The following EPHA3 variants were observed in gnomAD, a reference collection of about 807,000 sequenced individuals.
The protein encoded by EPHA3 is ephrin type-A receptor 3.
Under a neutral mutation model 107.1 loss-of-function variants are expected in EPHA3, and 42 were observed. The observed-to-expected ratio is 0.39, with a 90% CI of 0.31 to 0.51. The LOEUF is 0.51. Ranked by LOEUF, EPHA3 falls within the 20% of genes least tolerant of loss-of-function variation. EPHA3 has a pLI of 0.78. For synonymous variants in EPHA3, 461 were observed against 424.8 expected (o/e 1.09, Z -1.05); for missense variants, 1,183 against 1,211.2 (o/e 0.98, Z 0.35).
At chr3:89,228,336 A>G (rs747911515) in intron 3 of EPHA3, among the ~76,000 whole-genome samples, 3 of 151,936 alleles carry the variant, frequency 2.0e-5, no homozygotes, top group Admixed American at 1.3e-4. Context: ...GGACAAAATA[A>G]CAATGAGAAA....
chr3:89,121,535 G>A (rs904926329), intron 1 of EPHA3, among the ~76,000 whole-genome samples: 15 of 152,082 alleles, frequency 9.9e-5, no homozygotes, highest in Non-Finnish European at 1.5e-4. Flanking sequence ...AAGGCGTGCG[G>A]ATCATGAGGT....
intron 2 of EPHA3, among the ~76,000 whole-genome samples, chr3:89,177,023 T>C (rs1705334174): frequency 6.6e-6 from 1 of 152,062 alleles, no homozygotes; most frequent in African/African-American, 2.4e-5. Context: ...TTGACTAATT[T>C]GCAAAACCAA....
Position 89,218,173 on chromosome 3 carries a change from G to A in EPHA3, c.814+7653G>A, listed in dbSNP as rs190479530. On this transcript the variant is annotated intron_variant, in intron 3 of 16. Transcript: ENST00000336596. The stretch of plus-strand genomic sequence containing the variant: ...TTATTATTATGCTTTAAGTTTTAGG[G>A]TACATGTGCACAACGTGCAGGTTTG... Among the ~76,000 whole-genome samples, 592 of 151,872 alleles carry A rather than the reference G, an allele frequency of 3.9e-3. 2 individuals are homozygous for A. Among genetic ancestry groups the A allele is most frequent in the Non-Finnish European group, 6.0e-3 (411 of 67,960 alleles).
intron 3 of EPHA3, among the ~76,000 whole-genome samples, chr3:89,317,898 A>G (rs1054375648): frequency 2.0e-5 from 3 of 151,956 alleles, no homozygotes; most frequent in African/African-American, 7.2e-5. Flanking sequence ...AGTGGCTTAA[A>G]AAGAGATTTG....
intron 5 of EPHA3, among the ~76,000 whole-genome samples, chr3:89,345,871 G>T (rs1430228943): frequency 2.9e-5 from 4 of 139,234 alleles, no homozygotes; most frequent in African/African-American, 7.9e-5. Context: ...GCGGTGTTTG[G>T]TTTTTTGTTC....
chr3:89,400,800 T>A (rs554678966), intron 7 of EPHA3, among the ~76,000 whole-genome samples: 1 of 152,292 alleles, frequency 6.6e-6, no homozygotes, highest in Non-Finnish European at 1.5e-5. Flanking sequence ...TAAGTGTTAT[T>A]TCAATTGTTA....
rs1241511825 is a variant in EPHA3, at chr3:89,219,703, GTTTTTTGTTTTTTTT to G, written c.814+9190_814+9204del. Among the ~76,000 whole-genome samples, 223 of 26,236 alleles carry G rather than the reference GTTTTTTGTTTTTTTT, an allele frequency of 8.5e-3. 21 individuals are homozygous for G. The East Asian group carries it at 0.1, about 12-fold the overall frequency. 17.2% of individuals were successfully genotyped at this position (26,236 alleles called of 152,430 possible). A position where few individuals can be genotyped will look rare whatever the true frequency, so the allele number is the denominator to read the frequency against. ...ATTTGGCAATGTTTTTTTTTTTTTTGTTTTTTGTTTTTTTTTTTTTTTTGAGACGGAGTCTCGCTC... is the reference window on the plus strand; with the variant it reads ...ATTTGGCAATGTTTTTTTTTTTTTTGTTTTTTTTGAGACGGAGTCTCGCTC... On this transcript the variant is annotated intron_variant, in intron 3 of 16. Transcript: ENST00000336596.
At chr3:89,133,479 C>A (rs970171780) in intron 2 of EPHA3, among the ~76,000 whole-genome samples, 1 of 152,106 alleles carries the variant, frequency 6.6e-6, no homozygotes, top group Non-Finnish European at 1.5e-5. Flanking sequence ...ATCTGTGCTT[C>A]GGGATTCGAC....
At chr3:89,289,060 T>G (rs1706154018) in intron 3 of EPHA3, among the ~76,000 whole-genome samples, 1 of 152,148 alleles carries the variant, frequency 6.6e-6, no homozygotes, top group Non-Finnish European at 1.5e-5. Flanking sequence ...ATCCAGGTAG[T>G]CGTCAGAAGA....
chr3:89,120,910 T>C (rs1333064188), intron 1 of EPHA3, among the ~76,000 whole-genome samples: 1 of 152,150 alleles, frequency 6.6e-6, no homozygotes, highest in African/African-American at 2.4e-5. Context: ...GACCAAAGGT[T>C]TTTCATAGCA....
chr3:89,480,745 G>C lies in EPHA3; in HGVS notation c.*1243G>C, dbSNP rs761841784. The C allele has an allele frequency of 3.0e-5, 7 of 232,616 alleles. No homozygotes were observed. The Admixed American group carries it at 3.4e-4, about 11-fold the overall frequency. The allele number at this position is 232,616 out of a possible 1,614,324, so 14.4% of individuals were successfully genotyped here. On this transcript the variant is annotated 3_prime_UTR_variant, in exon 17 of 17. Coordinates refer to ENST00000336596, the MANE Select transcript of EPHA3 (RefSeq NM_005233.6). ...TTTCCTCTGTATCACTGGTGTTTAGGTGAATTAATTAAACATTGTGATCAT... is the reference window on the plus strand; with the variant it reads ...TTTCCTCTGTATCACTGGTGTTTAGCTGAATTAATTAAACATTGTGATCAT...
chr3:89,151,747 C>T (rs189548897), intron 2 of EPHA3, among the ~76,000 whole-genome samples: 25 of 151,816 alleles, frequency 1.6e-4, no homozygotes, highest in African/African-American at 3.1e-4. Context: ...TGTGTATAAA[C>T]GCACAAATTC....
intron 3 of EPHA3, among the ~76,000 whole-genome samples, chr3:89,320,275 C>G (rs1163368002): frequency 6.6e-6 from 1 of 151,964 alleles, no homozygotes; most frequent in Non-Finnish European, 1.5e-5. Flanking sequence ...CTTTCACTTC[C>G]TCTGGTGCAG....
At chr3:89,261,978 A>G (rs1453663669) in intron 3 of EPHA3, among the ~76,000 whole-genome samples, 1 of 151,996 alleles carries the variant, frequency 6.6e-6, no homozygotes, top group African/African-American at 2.4e-5. Flanking sequence ...TAAAATATTG[A>G]TATTATTTAA....
chr3:89,142,461 G>C (rs895116484), intron 2 of EPHA3, among the ~76,000 whole-genome samples: 1 of 151,176 alleles, frequency 6.6e-6, no homozygotes, highest in Non-Finnish European at 1.5e-5. Flanking sequence ...GTGGCCATAG[G>C]CCTGCTTTAA....
intron 5 of EPHA3, among the ~76,000 whole-genome samples, chr3:89,392,510 C>T (rs772966618): frequency 6.6e-6 from 1 of 151,146 alleles, no homozygotes; most frequent in Admixed American, 6.6e-5. Flanking sequence ...AGCATTTTTG[C>T]CAAAAAATCC....
At chr3:89,427,883 T>C (rs1709490240) in intron 11 of EPHA3, among the ~76,000 whole-genome samples, 1 of 151,996 alleles carries the variant, frequency 6.6e-6, no homozygotes, top group Non-Finnish European at 1.5e-5. Flanking sequence ...GTATTTCTTT[T>C]ATATCAAAGC....
At position 89,472,467 on chromosome 3, in the gene EPHA3, A is replaced by T; in HGVS notation, c.2694A>T (p.Pro898=). ...LKIITSAAAR[P]SNLLLDQSNV... ...TTTGGTGTTTTTTTTCTTGCAGGCC[A>T]TCAAACCTTCTTCTGGACCAAAGCA... Residue 898 remains proline (P), a synonymous_variant, in exon 16 of 17, where the codon CCA becomes CCT. Coordinates refer to ENST00000336596, the MANE Select transcript of EPHA3 (RefSeq NM_005233.6). 6.2e-7 allele frequency: 1 copy of T among 1,613,346 alleles called. No homozygotes were observed. The highest frequency in any genetic ancestry group is 8.5e-7 in the Non-Finnish European group (1 of 1,179,658).
At chr3:89,388,936 T>G (rs988690687) in intron 5 of EPHA3, among the ~76,000 whole-genome samples, 12 of 152,188 alleles carry the variant, frequency 7.9e-5, no homozygotes, top group African/African-American at 2.9e-4. Context: ...AAGTTGAAAT[T>G]CTGAAAATAT....
Sources: allele counts gnomAD v4.1 joint callset (sites outside exome capture counted in the v4.1 genomes callset), GRCh38; gene constraint gnomAD v4.1.1; transcripts MANE v1.5; gene names NCBI Gene and HGNC (gene_info 2026-07-23, HGNC 2026-07-21).